PCDH15: variants seen among roughly 807,000 people sequenced by gnomAD.
The protein encoded by PCDH15 is protocadherin related 15.
Under a neutral mutation model 178.5 loss-of-function variants are expected in PCDH15, and 129 were observed. The ratio of observed to expected loss-of-function variants is 0.72; its 90% CI spans 0.63 to 0.84. The LOEUF (loss-of-function observed/expected upper bound fraction) is 0.84. Ranked by LOEUF, PCDH15 falls within the 40% of genes least tolerant of loss-of-function variation. The pLI is 0.00. For synonymous variants in PCDH15, 800 were observed against 732.0 expected (o/e 1.09, Z -1.50); for missense variants, 2,230 against 2,099.9 (o/e 1.06, Z -1.21).
chr10:55,361,503 T>C (rs1370669823), intron 2 of PCDH15, among the ~76,000 whole-genome samples: 1 of 152,010 alleles, frequency 6.6e-6, no homozygotes, highest in Non-Finnish European at 1.5e-5. Context: ...TTTCATTAGG[T>C]ACAAGCTCAT....
At chr10:55,324,461 G>T (rs185175169), upstream of PCDH15, among the ~76,000 whole-genome samples, 2 of 152,100 alleles carry the variant, frequency 1.3e-5, no homozygotes, top group Admixed American at 1.3e-4. Flanking sequence ...ATTCAAAACC[G>T]ACTTTAAATC....
chr10:54,695,842 G>A (rs1281296871), intron 1 of PCDH15, among the ~76,000 whole-genome samples: 4 of 151,080 alleles, frequency 2.6e-5, no homozygotes, highest in Non-Finnish European at 5.9e-5. Flanking sequence ...TTTCCATTGG[G>A]GCTTCAAATG....
chr10:55,110,497 G>A (rs1248679810), intron 2 of PCDH15, among the ~76,000 whole-genome samples: 1 of 152,044 alleles, frequency 6.6e-6, no homozygotes, highest in African/African-American at 2.4e-5. Context: ...AACTTTGCTT[G>A]CAACCAGTTC....
intron 1 of PCDH15, among the ~76,000 whole-genome samples, chr10:55,277,005 CTTTG>C (rs1013456769): frequency 3.3e-5 from 5 of 152,048 alleles, no homozygotes; most frequent in African/African-American, 1.2e-4. Context: ...CCTGCTTTCA[CTTTG>C]TTTGGAGGAT....
At chr10:55,381,371 C>T (rs892471739) in intron 2 of PCDH15, among the ~76,000 whole-genome samples, 1 of 152,106 alleles carries the variant, frequency 6.6e-6, no homozygotes, top group Non-Finnish European at 1.5e-5. Flanking sequence ...GATCTAGAGC[C>T]ACTCTCTCTC....
At chr10:55,534,781 C>G (rs894249191) in intron 2 of PCDH15, among the ~76,000 whole-genome samples, 1 of 152,014 alleles carries the variant, frequency 6.6e-6, no homozygotes, top group Non-Finnish European at 1.5e-5. Context: ...CATCACTGCA[C>G]TATTCACAAT....
intron 12 of PCDH15, among the ~76,000 whole-genome samples, chr10:54,184,093 T>TTTATACTTTATCAATGTTGATAATGTATG (rs1241356116): frequency 1.3e-5 from 2 of 152,134 alleles, no homozygotes; most frequent in Non-Finnish European, 2.9e-5. Flanking sequence ...ATTGTGATAT[T>TTTATACTTTATCAATGTTGATAATGTATG]TTATACTTTA....
intron 2 of PCDH15, among the ~76,000 whole-genome samples, chr10:55,463,937 GAA>G (rs549892254): frequency 0.058 from 1,884 of 32,214 alleles, 351 homozygotes; most frequent in African/African-American, 0.32. Flanking sequence ...AAGAAAGAAA[GAA>G]AGAAAGAAAG....
rs373402152 is a variant in PCDH15, at chr10:55,214,078, G to C, written c.-155-47427C>G. 5.7e-4 allele frequency among the ~76,000 whole-genome samples: 87 copies of C among 151,890 alleles called. No individual in the cohort carries two copies. In the East Asian group the frequency reaches 0.013, roughly 23 times the overall value. ...TGATATTTTATGTTATCTTGTTATT[G>C]ATTTCTAGCTTAAGTGCATTGTGTT... On this transcript the variant is annotated intron_variant, in intron 1 of 5. Coordinates refer to the PCDH15 transcript ENST00000458638.
intron 2 of PCDH15, chr10:54,599,740 G>C: frequency 8.4e-6 from 4 of 477,942 alleles, no homozygotes; most frequent in East Asian, 5.3e-5. Flanking sequence ...AAAGGAAGAA[G>C]AAGAGGAGGT....
chr10:53,925,418 G>A lies in PCDH15; in HGVS notation c.3373+13397C>T, dbSNP rs867039274. 9.9e-5 allele frequency among the ~76,000 whole-genome samples: 15 copies of A among 152,142 alleles called. 1 individual carries two copies. The highest frequency in any genetic ancestry group is 2.4e-5 in the African/African-American group (1 of 41,426). The stretch of plus-strand genomic sequence containing the variant: ...GAAGGAAGAAACTCCGAACACGCCC[G>A]AACATCAGAAGGAAAGAACTCCAGA... On this transcript the variant is annotated intron_variant, in intron 25 of 37. Transcript: ENST00000644397.
chr10:54,193,811 C>G lies in PCDH15; in HGVS notation c.1305+1872G>C, dbSNP rs370735774. Among the ~76,000 whole-genome samples the G allele has an allele frequency of 4.6e-5, 7 of 152,084 alleles. No homozygotes were observed. In the East Asian group the frequency reaches 1.2e-3, roughly 25 times the overall value. On this transcript the variant is annotated intron_variant, in intron 11 of 37. Coordinates refer to ENST00000644397, the MANE Select transcript of PCDH15 (RefSeq NM_001384140.1). ...TGCTTAAAATTGAGAACTTTGTTTTCCATAAACCTTGGCTTAAGGTCCATT... is the reference window on the plus strand; with the variant it reads ...TGCTTAAAATTGAGAACTTTGTTTTGCATAAACCTTGGCTTAAGGTCCATT...
chr10:55,368,633 T>C (rs1845422765), intron 2 of PCDH15, among the ~76,000 whole-genome samples: 1 of 152,158 alleles, frequency 6.6e-6, no homozygotes, highest in Non-Finnish European at 1.5e-5. Context: ...GGACAGCTAA[T>C]AATATCTATA....
At chr10:54,252,850 A>T (rs2132121963) in intron 8 of PCDH15, among the ~76,000 whole-genome samples, 1 of 151,942 alleles carries the variant, frequency 6.6e-6, no homozygotes, top group Admixed American at 6.6e-5. Context: ...TATTAGTTTT[A>T]TAATTTCTTA....
Position 55,291,366 on chromosome 10 carries a change from C to T in PCDH15, c.-156+28233G>A, listed in dbSNP as rs78010205. ...GAAGCAAAGGACAAGTCTTTATTCACAGCTTGTTTATCAGCATTCTAAAAT... is the reference window on the plus strand; with the variant it reads ...GAAGCAAAGGACAAGTCTTTATTCATAGCTTGTTTATCAGCATTCTAAAAT... On this transcript the variant is annotated intron_variant, in intron 1 of 5. Coordinates refer to the PCDH15 transcript ENST00000458638. Among the ~76,000 whole-genome samples the T allele has an allele frequency of 7.5e-3, 1,135 of 152,318 alleles. 19 individuals are homozygous for T. Among genetic ancestry groups the T allele is most frequent in the African/African-American group, 0.026 (1,097 of 41,574 alleles).
intron 3 of PCDH15, among the ~76,000 whole-genome samples, chr10:54,460,887 T>C (rs540522766): frequency 6.6e-6 from 1 of 152,246 alleles, no homozygotes; most frequent in South Asian, 2.1e-4. Context: ...GAAACATTCA[T>C]TGAAAAATGT....
intron 1 of PCDH15, among the ~76,000 whole-genome samples, chr10:55,249,488 T>C (rs1404935175): frequency 6.6e-6 from 1 of 152,048 alleles, no homozygotes; most frequent in Admixed American, 6.6e-5. Context: ...TTACAATACA[T>C]GTAGCCAACC....
At chr10:55,113,430 AG>A (rs994229732) in intron 2 of PCDH15, among the ~76,000 whole-genome samples, 1 of 152,096 alleles carries the variant, frequency 6.6e-6, no homozygotes, top group African/African-American at 2.4e-5. Flanking sequence ...AAAAAAAGGA[AG>A]AATTATATTC....
At chr10:54,704,077 T>C (rs1307435685) in intron 1 of PCDH15, among the ~76,000 whole-genome samples, 1 of 152,110 alleles carries the variant, frequency 6.6e-6, no homozygotes, top group African/African-American at 2.4e-5. Flanking sequence ...ATTGGACTCA[T>C]TCTATTCACC....
Sources: allele counts gnomAD v4.1 joint callset (sites outside exome capture counted in the v4.1 genomes callset), GRCh38; gene constraint gnomAD v4.1.1; transcripts MANE v1.5; gene names NCBI Gene and HGNC (gene_info 2026-07-23, HGNC 2026-07-21).